NALF1: variants seen among roughly 807,000 people sequenced by gnomAD.
NALF1 encodes the protein NALCN channel auxiliary factor 1.
In NALF1, 3 loss-of-function variants were observed where a neutral mutation model predicts 48.4. The ratio of observed to expected loss-of-function variants is 0.06; its 90% confidence interval spans 0.03 to 0.16. The LOEUF (loss-of-function observed/expected upper bound fraction) is 0.16, where lower values mean the gene tolerates loss of function less well. Ranked by LOEUF, NALF1 falls within the 10% of genes least tolerant of loss-of-function variation. NALF1 has a pLI of 1.00. For missense variants in NALF1, 526 were observed against 571.5 expected (o/e 0.92, Z 0.81); for synonymous variants, 262 against 245.7 (o/e 1.07, Z -0.62).
chr13:107,701,435 T>C (rs1246378953), intron 1 of NALF1, among the ~76,000 whole-genome samples: 1 of 152,156 alleles, frequency 6.6e-6, no homozygotes, highest in Non-Finnish European at 1.5e-5. Context: ...TAATCTCACT[T>C]CAATTTGGTA....
At chr13:107,814,718 A>T (rs1301299865) in intron 1 of NALF1, among the ~76,000 whole-genome samples, 1 of 152,178 alleles carries the variant, frequency 6.6e-6, no homozygotes, top group Non-Finnish European at 1.5e-5. Context: ...GGAAAAGATA[A>T]TTCAAAAACA....
intron 1 of NALF1, among the ~76,000 whole-genome samples, chr13:107,705,092 A>G (rs955014358): frequency 3.3e-5 from 5 of 152,088 alleles, no homozygotes; most frequent in African/African-American, 1.2e-4. Flanking sequence ...TACATATATT[A>G]CTCCCTTTGA....
intron 1 of NALF1, among the ~76,000 whole-genome samples, chr13:107,439,921 A>C (rs573674609): frequency 4.9e-4 from 74 of 152,278 alleles, no homozygotes; most frequent in African/African-American, 1.6e-3. Context: ...TTATTCTTTA[A>C]CTGTTGGAAA....
intron 1 of NALF1, among the ~76,000 whole-genome samples, chr13:107,636,263 C>T (rs572622335): frequency 3.9e-5 from 6 of 152,214 alleles, no homozygotes; most frequent in South Asian, 4.1e-4. Flanking sequence ...TTGATCAAAA[C>T]CAAAGCCGCC....
At chr13:107,652,071 T>C (rs1007998497) in intron 1 of NALF1, among the ~76,000 whole-genome samples, 4 of 152,218 alleles carry the variant, frequency 2.6e-5, no homozygotes, top group African/African-American at 4.8e-5. Context: ...ATACTTATGA[T>C]GCAGAACTGA....
At chr13:107,661,625 T>G (rs763181764) in intron 1 of NALF1, among the ~76,000 whole-genome samples, 25 of 152,292 alleles carry the variant, frequency 1.6e-4, no homozygotes, top group African/African-American at 6.0e-4. Flanking sequence ...GAGGATTAAT[T>G]TAATTAGCAT....
intron 1 of NALF1, among the ~76,000 whole-genome samples, chr13:107,767,697 T>A (rs538963195): frequency 1.3e-5 from 2 of 152,320 alleles, no homozygotes; most frequent in South Asian, 2.1e-4. Flanking sequence ...GTATCACAAT[T>A]AGGAAACTCT....
chr13:107,673,652 T>C (rs556184239), intron 1 of NALF1, among the ~76,000 whole-genome samples: 84 of 152,252 alleles, frequency 5.5e-4, no homozygotes, highest in Non-Finnish European at 6.9e-4. Context: ...AGCAATAATA[T>C]CTAGTTTCAA....
intron 1 of NALF1, among the ~76,000 whole-genome samples, chr13:107,601,990 AT>A (rs1264405295): frequency 6.6e-6 from 1 of 151,756 alleles, no homozygotes; most frequent in Non-Finnish European, 1.5e-5. Flanking sequence ...TTCCTTGAAC[AT>A]TTTTTCTTCA....
intron 1 of NALF1, among the ~76,000 whole-genome samples, chr13:107,341,446 A>G (rs1882679497): frequency 6.6e-6 from 1 of 151,906 alleles, no homozygotes; most frequent in Non-Finnish European, 1.5e-5. Context: ...AGACTTTGTG[A>G]GTTTGGATTC....
chr13:107,688,587 G>T (rs1405308867), intron 1 of NALF1, among the ~76,000 whole-genome samples: 1 of 152,122 alleles, frequency 6.6e-6, no homozygotes, highest in Non-Finnish European at 1.5e-5. Context: ...AAAGGGTGAG[G>T]AATGAAAATT....
In NALF1 at chr13:107,579,998, G is replaced by A. The variant is rs375214304; in HGVS notation, c.915+285684C>T. Reference sequence around the variant, plus strand: ...TGCTGCTATAAAGACACATGCACACGTATGTTTATTGCGGCATTATTCACA... The same window carrying A: ...TGCTGCTATAAAGACACATGCACACATATGTTTATTGCGGCATTATTCACA... On this transcript the variant is annotated intron_variant, in intron 1 of 2. Coordinates refer to ENST00000375915, the MANE Select transcript of NALF1 (RefSeq NM_001080396.3). Among the ~76,000 whole-genome samples the A allele has an allele frequency of 1.3e-3, 199 of 151,838 alleles. 1 individual carries two copies. Among genetic ancestry groups the A allele is most frequent in the African/African-American group, 4.6e-3 (191 of 41,396 alleles).
chr13:107,207,586 G>A lies in NALF1; in HGVS notation c.1087+2998C>T, dbSNP rs372945081. On this transcript the variant is annotated intron_variant, in intron 2 of 2. Coordinates refer to ENST00000375915, the MANE Select transcript of NALF1 (RefSeq NM_001080396.3). The stretch of plus-strand genomic sequence containing the variant: ...CATGTCTGGGACTCTTATAAGCAAC[G>A]GGCAGGCAGCTGTGATGGACAGGAG... Among the ~76,000 whole-genome samples, 99 of 152,280 alleles carry A rather than the reference G, an allele frequency of 6.5e-4. 2 individuals carry two copies. In the South Asian group the frequency reaches 8.9e-3, roughly 14 times the overall value.
At chr13:107,410,684 G>A (rs754373044) in intron 1 of NALF1, among the ~76,000 whole-genome samples, 4 of 152,068 alleles carry the variant, frequency 2.6e-5, no homozygotes, top group Non-Finnish European at 5.9e-5. Flanking sequence ...GATTCTGTGA[G>A]GCACCTACAA....
At chr13:107,310,067 G>C (rs531553669) in intron 1 of NALF1, among the ~76,000 whole-genome samples, 28 of 152,004 alleles carry the variant, frequency 1.8e-4, no homozygotes, top group African/African-American at 6.3e-4. Context: ...TATTTGTTTT[G>C]TGTGTGTGTG....
chr13:107,302,830 GCTCT>G (rs993105231), intron 1 of NALF1, among the ~76,000 whole-genome samples: 1 of 151,940 alleles, frequency 6.6e-6, no homozygotes, highest in Non-Finnish European at 1.5e-5. Context: ...ACATATGACT[GCTCT>G]CTCTCTCACT....
chr13:107,730,681 G>C (rs1290898558), intron 1 of NALF1, among the ~76,000 whole-genome samples: 3 of 152,104 alleles, frequency 2.0e-5, no homozygotes, highest in Non-Finnish European at 2.9e-5. Context: ...AATAAAAAAA[G>C]TCACACTTCT....
At chr13:107,728,544 A>G (rs1251296315) in intron 1 of NALF1, among the ~76,000 whole-genome samples, 1 of 151,546 alleles carries the variant, frequency 6.6e-6, no homozygotes, top group African/African-American at 2.4e-5. Flanking sequence ...GGGTTGGGGG[A>G]AAGGGGAGGG....
At chr13:107,175,391 A>ACTC in intron 2 of NALF1, among the ~76,000 whole-genome samples, 1 of 151,602 alleles carries the variant, frequency 6.6e-6, no homozygotes. Flanking sequence ...AATCGAACTG[A>ACTC]CTCTGTTTCC....
Sources: allele counts gnomAD v4.1 joint callset (sites outside exome capture counted in the v4.1 genomes callset), GRCh38; gene constraint gnomAD v4.1.1; transcripts MANE v1.5; gene names NCBI Gene and HGNC (gene_info 2026-07-23, HGNC 2026-07-21).